The following DPF3 variants were observed in gnomAD, a reference collection of about 807,000 sequenced individuals.
DPF3 encodes the protein double PHD fingers 3.
DPF3 carries 18 observed loss-of-function variants against 56.8 expected under a neutral mutation model. The observed-to-expected ratio is 0.32, with a 90% confidence interval of 0.22 to 0.47. The LOEUF (loss-of-function observed/expected upper bound fraction) is 0.47. Ranked by LOEUF, DPF3 falls within the 20% of genes least tolerant of loss-of-function variation. The pLI is 1.00. For synonymous variants in DPF3, 188 were observed against 180.2 expected (o/e 1.04, Z -0.35); for missense variants, 403 against 488.8 (o/e 0.82, Z 1.65).
At chr14:72,861,089 T>C (rs1427704113) in intron 1 of DPF3, among the ~76,000 whole-genome samples, 1 of 151,536 alleles carries the variant, frequency 6.6e-6, no homozygotes, top group Non-Finnish European at 1.5e-5. Context: ...ACACTTCCTT[T>C]CTCTCCATCC....
intron 1 of DPF3, among the ~76,000 whole-genome samples, chr14:72,892,886 G>A (rs371070361): frequency 6.6e-6 from 1 of 151,998 alleles, no homozygotes; most frequent in African/African-American, 2.4e-5. Flanking sequence ...GTTTTCCGAG[G>A]CCACCCCTGG....
rs113474064 is a variant in DPF3, at chr14:72,690,475, AAC to A, written c.742+2599_742+2600del. On this transcript the variant is annotated intron_variant, in intron 7 of 10. Transcript: ENST00000556509. ...ACACACGCATGCACACATATACAAA[AAC>A]ACACACACACGCAGGTACACACACA... is the stretch of plus-strand genomic sequence containing the variant. Among the ~76,000 whole-genome samples, 656 of 152,000 alleles carry A rather than the reference AAC, an allele frequency of 4.3e-3. 6 individuals are homozygous for A. Among genetic ancestry groups the A allele is most frequent in the African/African-American group, 0.015 (614 of 41,454 alleles).
chr14:72,660,120 T>A (rs140070225), intron 8 of DPF3, among the ~76,000 whole-genome samples: 2 of 152,084 alleles, frequency 1.3e-5, no homozygotes, highest in African/African-American at 4.8e-5. Context: ...TAGAGATGGA[T>A]GGTGATGATG....
intron 1 of DPF3, among the ~76,000 whole-genome samples, chr14:72,795,143 C>A (rs572843365): frequency 1.3e-5 from 2 of 151,998 alleles, no homozygotes; most frequent in South Asian, 4.2e-4. Flanking sequence ...GGTAAGGTCA[C>A]GCTTCTATCT....
chr14:72,653,322 C>T (rs74919177), intron 8 of DPF3, among the ~76,000 whole-genome samples: 11,959 of 152,252 alleles, frequency 0.079, 702 homozygotes, highest in African/African-American at 0.15. Context: ...CGGGCCTCCA[C>T]GGAGTGGATG....
At chr14:72,756,912 A>AAG (rs1890848618) in intron 2 of DPF3, among the ~76,000 whole-genome samples, 1 of 140,900 alleles carries the variant, frequency 7.1e-6, no homozygotes, top group African/African-American at 3.0e-5. Flanking sequence ...GAAAAAAAGA[A>AAG]AGAAAGAAAG....
At chr14:72,690,549 C>T (rs1358837825) in intron 7 of DPF3, among the ~76,000 whole-genome samples, 1 of 151,494 alleles carries the variant, frequency 6.6e-6, no homozygotes, top group African/African-American at 2.4e-5. Context: ...ACAACACGCA[C>T]ACACATGCAC....
At chr14:72,721,484 C>T (rs1889171367) in intron 5 of DPF3, among the ~76,000 whole-genome samples, 1 of 152,140 alleles carries the variant, frequency 6.6e-6, no homozygotes, top group African/African-American at 2.4e-5. Context: ...TAATGGAATT[C>T]AATTTTCTTT....
At chr14:72,789,104 C>T (rs112350852) in intron 1 of DPF3, among the ~76,000 whole-genome samples, 35 of 152,264 alleles carry the variant, frequency 2.3e-4, no homozygotes, top group African/African-American at 7.2e-4. Flanking sequence ...TTTCTTTAAA[C>T]GCACGTTGCA....
At chr14:72,828,965 G>T (rs1008588936) in intron 1 of DPF3, among the ~76,000 whole-genome samples, 2 of 152,172 alleles carry the variant, frequency 1.3e-5, no homozygotes, top group Non-Finnish European at 1.5e-5. Flanking sequence ...GGAGATAATA[G>T]AAACAGCCTT....
In DPF3 at chr14:72,615,785, T is replaced by C. The variant is rs931749699; in HGVS notation, c.*3512A>G. 2.6e-5 allele frequency among the ~76,000 whole-genome samples: 4 copies of C among 152,192 alleles called. No homozygotes were observed. Among genetic ancestry groups the C allele is most frequent in the African/African-American group, 9.7e-5 (4 of 41,442 alleles). On this transcript the variant is annotated 3_prime_UTR_variant, in exon 11 of 11. Coordinates refer to ENST00000556509, the MANE Select transcript of DPF3 (RefSeq NM_001280542.3). ...TTCCAAAGGAAAGCCAGAATGTCAA[T>C]CTCCTAGCAGGAGCCCTGTTTCTAT...
At chr14:72,631,217 T>C (rs1187032800) in intron 8 of DPF3, among the ~76,000 whole-genome samples, 1 of 152,144 alleles carries the variant, frequency 6.6e-6, no homozygotes, top group Non-Finnish European at 1.5e-5. Context: ...AGAGGCCTGA[T>C]CTAAAAGCTT....
At chr14:72,697,343 T>A (rs551546997) in intron 6 of DPF3, among the ~76,000 whole-genome samples, 22 of 149,918 alleles carry the variant, frequency 1.5e-4, no homozygotes, top group African/African-American at 4.2e-4. Context: ...CAGGGGGAGG[T>A]GGGTTGGATA....
chr14:72,786,767 A>G (rs1433187463), intron 1 of DPF3, among the ~76,000 whole-genome samples: 9 of 152,242 alleles, frequency 5.9e-5, no homozygotes, highest in Non-Finnish European at 8.8e-5. Flanking sequence ...AATACAGTTA[A>G]TAATAAGGAA....
chr14:72,727,906 T>C (rs545991995), intron 4 of DPF3, among the ~76,000 whole-genome samples: 136 of 152,358 alleles, frequency 8.9e-4, no homozygotes, highest in Non-Finnish European at 1.3e-4. Context: ...ATTTGACTTA[T>C]GGTCCTGGCT....
intron 1 of DPF3, among the ~76,000 whole-genome samples, chr14:72,804,249 G>A (rs1276944619): frequency 2.7e-5 from 4 of 148,848 alleles, no homozygotes; most frequent in African/African-American, 1.0e-4. Context: ...CCCCCTTCCA[G>A]ATCCACACTG....
intron 8 of DPF3, among the ~76,000 whole-genome samples, chr14:72,633,726 C>T (rs531759607): frequency 2.0e-5 from 3 of 152,294 alleles, no homozygotes; most frequent in African/African-American, 2.4e-5. Flanking sequence ...AAAGTCAGCA[C>T]ATTCCAGAGC....
rs372252777 is a variant in DPF3, at chr14:72,675,941, T to C, written c.743-1573A>G. On this transcript the variant is annotated intron_variant, in intron 7 of 10. Coordinates refer to ENST00000556509, the MANE Select transcript of DPF3 (RefSeq NM_001280542.3). ...TGCAAATAATCTCCAAAAAGCAGTA[T>C]ATCTGCAAATATTTTACTCTGCCTA... Among the ~76,000 whole-genome samples, 216 of 152,330 alleles carry C rather than the reference T, an allele frequency of 1.4e-3. 1 individual carries two copies. Among genetic ancestry groups the C allele is most frequent in the African/African-American group, 5.0e-3 (208 of 41,582 alleles).
At chr14:72,860,770 T>G (rs1885364846) in intron 1 of DPF3, among the ~76,000 whole-genome samples, 2 of 151,688 alleles carry the variant, frequency 1.3e-5, no homozygotes, top group Admixed American at 6.6e-5. Flanking sequence ...TTCACCATGT[T>G]GGCCAGGCTG....
Sources: gnomAD v4.1 joint callset for allele counts (sites outside exome capture counted in the v4.1 genomes callset) on GRCh38, gnomAD v4.1.1 for gene constraint, MANE v1.5 for transcripts, NCBI Gene and HGNC (gene_info 2026-07-23, HGNC 2026-07-21) for gene names.